The following PIK3CD variants were observed in gnomAD, a reference collection of about 807,000 sequenced individuals.
The protein encoded by PIK3CD is phosphatidylinositol-4,5-bisphosphate 3-kinase catalytic subunit delta.
A neutral mutation model predicts 122.9 loss-of-function variants in PIK3CD; 20 were observed. The observed-to-expected ratio is 0.16, with a 90% confidence interval of 0.11 to 0.24. The LOEUF (loss-of-function observed/expected upper bound fraction) is 0.24. Ranked by LOEUF, PIK3CD falls within the 10% of genes least tolerant of loss-of-function variation. The pLI is 1.00. For synonymous variants in PIK3CD, 596 were observed against 593.4 expected (o/e 1.00, Z -0.06); for missense variants, 787 against 1,406.3 (o/e 0.56, Z 7.04).
At chr1:9,697,978 C>T (rs1018318663) in intron 2 of PIK3CD, among the ~76,000 whole-genome samples, 16 of 151,988 alleles carry the variant, frequency 1.1e-4, no homozygotes, top group African/African-American at 3.6e-4. Context: ...TTGCAGTGAG[C>T]CGAGATTGCA....
chr1:9,656,758 C>T (rs1339452333), intron 1 of PIK3CD, among the ~76,000 whole-genome samples: 7 of 152,098 alleles, frequency 4.6e-5, no homozygotes, highest in Non-Finnish European at 8.8e-5. Context: ...GCCTGGCCAA[C>T]ATGGTGAAGC....
At chr1:9,638,210 TAA>T in the PIK3CD span, among the ~76,000 whole-genome samples, 4 of 152,060 alleles carry the variant, frequency 2.6e-5, no homozygotes, top group African/African-American at 9.7e-5. Context: ...CTTATCAACC[TAA>T]AGATGGGTCT....
At chr1:9,697,703 A>G (rs964611451) in intron 2 of PIK3CD, among the ~76,000 whole-genome samples, 14 of 151,282 alleles carry the variant, frequency 9.3e-5, no homozygotes, top group Non-Finnish European at 2.1e-4. Flanking sequence ...ATTGCACTGT[A>G]GCACGGGCAA....
Position 9,689,099 on chromosome 1 carries a change from G to T in PIK3CD, c.-137-2368G>T, listed in dbSNP as rs1317561973. Among the ~76,000 whole-genome samples, 1 of 152,252 alleles carries T rather than the reference G, an allele frequency of 6.6e-6. No homozygotes were observed. The highest frequency in any genetic ancestry group is 1.5e-5 in the Non-Finnish European group (1 of 68,046). On this transcript the variant is annotated intron_variant, in intron 1 of 23. Transcript: ENST00000377346. This position sits in a 1 kb window ranked among gnomAD's most constrained non-coding sequence, Gnocchi z 6.1. ...GTCTGGCTCCGGCTCTGTGACCTGGGTCCAGTACCCCGCCCTTTCTGCGGA... is the reference window on the plus strand; with the variant it reads ...GTCTGGCTCCGGCTCTGTGACCTGGTTCCAGTACCCCGCCCTTTCTGCGGA...
At chr1:9,664,681 T>A (rs1159693763) in intron 1 of PIK3CD, among the ~76,000 whole-genome samples, 1 of 152,168 alleles carries the variant, frequency 6.6e-6, no homozygotes, top group Non-Finnish European at 1.5e-5. Context: ...GGGAGAGTTG[T>A]TTGTTGGGCG....
intron 1 of PIK3CD, among the ~76,000 whole-genome samples, chr1:9,677,872 C>T (rs1344084175): frequency 2.6e-5 from 4 of 151,898 alleles, no homozygotes; most frequent in Non-Finnish European, 4.4e-5. Flanking sequence ...GAATCTGGGC[C>T]GGGCGTGGTG....
the PIK3CD span, among the ~76,000 whole-genome samples, chr1:9,642,068 G>C: frequency 6.6e-6 from 1 of 152,024 alleles, no homozygotes; most frequent in Non-Finnish European, 1.5e-5. Flanking sequence ...AGGGAGTGCA[G>C]CCTGACACTG....
intron 1 of PIK3CD, among the ~76,000 whole-genome samples, chr1:9,662,114 G>A (rs970847721): frequency 6.6e-6 from 1 of 152,102 alleles, no homozygotes; most frequent in Non-Finnish European, 1.5e-5. Context: ...GCAGTGAGCC[G>A]AGATCATGCC....
intron 1 of PIK3CD, among the ~76,000 whole-genome samples, chr1:9,661,922 G>A (rs887960285): frequency 6.6e-6 from 1 of 152,158 alleles, no homozygotes. Flanking sequence ...TGTGGACCCA[G>A]GCGGCGGAGC....
In PIK3CD at chr1:9,704,446, C is replaced by T. The variant is rs1421872926; in HGVS notation, c.-32-5978C>T. Among the ~76,000 whole-genome samples the T allele has an allele frequency of 6.6e-6, 1 of 152,196 alleles. No homozygotes were observed. Among genetic ancestry groups the T allele is most frequent in the Non-Finnish European group, 1.5e-5 (1 of 68,038 alleles). On this transcript the variant is annotated intron_variant, in intron 2 of 23. Coordinates refer to ENST00000377346, the MANE Select transcript of PIK3CD (RefSeq NM_005026.5). The surrounding 1 kb of genome is among the most constrained non-coding windows in gnomAD (Gnocchi z 5.0). The stretch of plus-strand genomic sequence containing the variant: ...CAAAGCCCATGGTCAAAGCCCATTT[C>T]ATGTCATAAGTGGATTCTCCAGGAT...
In PIK3CD at chr1:9,722,394, C is replaced by G. The variant is rs1397538847; in HGVS notation, c.2347+38C>G. ...CCTCCCCACACCCCGCCTGTACTGC[C>G]CTGGGGGGTCCTGGGGTGCTCCTAG... On this transcript the variant is annotated intron_variant, in intron 18 of 23. Transcript: ENST00000377346. This position sits in a 1 kb window ranked among gnomAD's most constrained non-coding sequence, Gnocchi z 7.6. The G allele has an allele frequency of 1.3e-6, 2 of 1,563,984 alleles. No individual in the cohort carries two copies. The highest frequency in any genetic ancestry group is 1.8e-6 in the Non-Finnish European group (2 of 1,138,312).
At chr1:9,683,350 A>G (rs1204082822) in intron 1 of PIK3CD, among the ~76,000 whole-genome samples, 1 of 150,838 alleles carries the variant, frequency 6.6e-6, no homozygotes, top group African/African-American at 2.4e-5. Flanking sequence ...AGGCAGGAGA[A>G]TGGCGTGAAC....
At chr1:9,682,904 G>A (rs1232345308) in intron 1 of PIK3CD, among the ~76,000 whole-genome samples, 1 of 152,182 alleles carries the variant, frequency 6.6e-6, no homozygotes, top group Non-Finnish European at 1.5e-5. Flanking sequence ...GTCCCTCAGG[G>A]ACACTCATGG....
chr1:9,693,512 C>T (rs1362734130), intron 2 of PIK3CD, among the ~76,000 whole-genome samples: 2 of 152,060 alleles, frequency 1.3e-5, no homozygotes, highest in Non-Finnish European at 2.9e-5. Flanking sequence ...GGATTACAGG[C>T]GTCAGCCTCC....
chr1:9,718,614 G>A lies in PIK3CD; in HGVS notation c.1021-80G>A, dbSNP rs1167073203. 1 of 1,308,526 alleles carries A rather than the reference G, an allele frequency of 7.6e-7. No individual in the cohort carries two copies. The highest frequency in any genetic ancestry group is 1.1e-6 in the Non-Finnish European group (1 of 921,690). 81.1% of individuals were successfully genotyped at this position (1,308,526 alleles called of 1,614,324 possible). On this transcript the variant is annotated intron_variant, in intron 8 of 23. Coordinates refer to ENST00000377346, the MANE Select transcript of PIK3CD (RefSeq NM_005026.5). This position sits in a 1 kb window ranked among gnomAD's most constrained non-coding sequence, Gnocchi z 7.2. ...TCAGACCCACCTGAGGACATTCAAGGGGGAGACTGACACCTTAAGGGGGAG... is the reference window on the plus strand; with the variant it reads ...TCAGACCCACCTGAGGACATTCAAGAGGGAGACTGACACCTTAAGGGGGAG...
intron 1 of PIK3CD, chr1:9,653,924 G>C: frequency 7.3e-7 from 1 of 1,366,134 alleles, no homozygotes; most frequent in Non-Finnish European, 9.8e-7. Context: ...ACCCAGTTGT[G>C]GCTGAGAGCG....
At chr1:9,694,470 G>T (rs1336929429) in intron 2 of PIK3CD, among the ~76,000 whole-genome samples, 1 of 152,106 alleles carries the variant, frequency 6.6e-6, no homozygotes, top group African/African-American at 2.4e-5. Flanking sequence ...GGAGGTGGAG[G>T]TTGCGGTGAG....
At chr1:9,663,154 C>A (rs1001636456) in intron 1 of PIK3CD, among the ~76,000 whole-genome samples, 7 of 152,186 alleles carry the variant, frequency 4.6e-5, no homozygotes, top group African/African-American at 1.7e-4. Flanking sequence ...GCGCTCTGAG[C>A]ATTTGCACTT....
intron 1 of PIK3CD, among the ~76,000 whole-genome samples, chr1:9,681,877 G>A (rs1032000650): frequency 1.3e-5 from 2 of 152,228 alleles, no homozygotes; most frequent in African/African-American, 4.8e-5. Flanking sequence ...TGTTCTGGAA[G>A]GGACTGCAGT....
Sources: allele counts gnomAD v4.1 joint callset (sites outside exome capture counted in the v4.1 genomes callset), GRCh38; gene constraint gnomAD v4.1.1; non-coding constraint Gnocchi (gnomAD v3.1); transcripts MANE v1.5; gene names NCBI Gene and HGNC (gene_info 2026-07-23, HGNC 2026-07-21).